Variants in PTPRD observed in about 807,000 individuals in gnomAD.
PTPRD encodes protein tyrosine phosphatase receptor type D, also known as receptor-type tyrosine-protein phosphatase delta.
PTPRD carries 34 observed loss-of-function variants against 214.5 expected under a neutral mutation model. The observed-to-expected ratio is 0.16, with a 90% CI of 0.12 to 0.21. PTPRD has a LOEUF of 0.21. Among genes scored for constraint, PTPRD ranks in the 10% least tolerant of loss-of-function variants. The pLI, the probability that PTPRD is intolerant of heterozygous loss-of-function variation, is 1.00. For missense variants in PTPRD, 2,545 were observed against 2,398.7 expected (o/e 1.06, Z -1.27); for synonymous variants, 1,128 against 845.7 (o/e 1.33, Z -5.79).
chr9:9,419,568 T>A (rs1441294752), intron 8 of PTPRD, among the ~76,000 whole-genome samples: 2 of 151,810 alleles, frequency 1.3e-5, no homozygotes, highest in Non-Finnish European at 3.0e-5. Flanking sequence ...AGCCCCAATA[T>A]GTATATTGTT....
At chr9:10,508,203 C>G (rs991902104) in intron 2 of PTPRD, among the ~76,000 whole-genome samples, 1 of 152,188 alleles carries the variant, frequency 6.6e-6, no homozygotes, top group African/African-American at 2.4e-5. Context: ...AAATGCTCAT[C>G]AGCACTGGCC....
At chr9:8,604,769 G>C (rs2095101164) in intron 14 of PTPRD, among the ~76,000 whole-genome samples, 1 of 152,168 alleles carries the variant, frequency 6.6e-6, no homozygotes, top group Non-Finnish European at 1.5e-5. Flanking sequence ...GAGAAATCAA[G>C]TAAGTCTGTG....
At chr9:8,332,611 C>T (rs979513680) in intron 43 of PTPRD, among the ~76,000 whole-genome samples, 5 of 151,634 alleles carry the variant, frequency 3.3e-5, no homozygotes, top group Non-Finnish European at 7.4e-5. Context: ...CTCTGACTCA[C>T]GAAGTATATC....
At chr9:9,342,289 T>C (rs908415446) in intron 9 of PTPRD, among the ~76,000 whole-genome samples, 4 of 152,182 alleles carry the variant, frequency 2.6e-5, no homozygotes, top group Non-Finnish European at 4.4e-5. Flanking sequence ...AGTATTTCCC[T>C]GGGTCCCTGA....
intron 10 of PTPRD, among the ~76,000 whole-genome samples, chr9:9,108,463 A>G (rs531146830): frequency 6.6e-6 from 1 of 152,216 alleles, no homozygotes; most frequent in African/African-American, 2.4e-5. Flanking sequence ...AATTTATACA[A>G]CAAATTCTTT....
chr9:9,450,794 G>C (rs1252168344), intron 8 of PTPRD, among the ~76,000 whole-genome samples: 2 of 151,256 alleles, frequency 1.3e-5, no homozygotes, highest in Admixed American at 1.3e-4. Context: ...TTAAAAAAGA[G>C]AACAAAGTAA....
At chr9:10,175,923 T>C (rs1329871016) in intron 3 of PTPRD, among the ~76,000 whole-genome samples, 4 of 152,044 alleles carry the variant, frequency 2.6e-5, no homozygotes, top group South Asian at 2.1e-4. Flanking sequence ...TTATTCTTAA[T>C]AGCATTTTCC....
intron 32 of PTPRD, among the ~76,000 whole-genome samples, chr9:8,463,154 G>A (rs145249018): frequency 6.6e-6 from 1 of 151,652 alleles, no homozygotes; most frequent in African/African-American, 2.4e-5. Context: ...CATCAAGCAG[G>A]AGAACAGATG....
At chr9:10,452,327 G>C (rs1053783851) in intron 2 of PTPRD, among the ~76,000 whole-genome samples, 2 of 151,704 alleles carry the variant, frequency 1.3e-5, no homozygotes, top group African/African-American at 2.4e-5. Context: ...CATTTACTTT[G>C]AATATGTGCC....
At chr9:9,984,796 G>C (rs948990148) in intron 4 of PTPRD, among the ~76,000 whole-genome samples, 2 of 152,160 alleles carry the variant, frequency 1.3e-5, no homozygotes, top group Non-Finnish European at 2.9e-5. Context: ...CGGAGGCCTG[G>C]AATACCCAGT....
chr9:8,433,188 G>C (rs1299754428), intron 35 of PTPRD, among the ~76,000 whole-genome samples: 1 of 152,132 alleles, frequency 6.6e-6, no homozygotes, highest in Non-Finnish European at 1.5e-5. Flanking sequence ...CATCACCTAG[G>C]GATGTGGTAG....
intron 3 of PTPRD, among the ~76,000 whole-genome samples, chr9:10,168,824 AATATAC>A (rs1273344734): frequency 6.6e-6 from 1 of 152,188 alleles, no homozygotes; most frequent in Non-Finnish European, 1.5e-5. Context: ...TACATAATGA[AATATAC>A]ATATATATAC....
At chr9:10,175,154 A>T (rs1201211495) in intron 3 of PTPRD, among the ~76,000 whole-genome samples, 1 of 152,090 alleles carries the variant, frequency 6.6e-6, no homozygotes, top group Non-Finnish European at 1.5e-5. Context: ...CAATCCAAAA[A>T]TTATCAGGAT....
chr9:10,485,084 G>C (rs952694852), intron 2 of PTPRD, among the ~76,000 whole-genome samples: 2 of 151,876 alleles, frequency 1.3e-5, no homozygotes, highest in Non-Finnish European at 1.5e-5. Flanking sequence ...TCTGCATATA[G>C]ATATCCAGTT....
At chr9:8,409,710 C>T (rs2093355973) in intron 35 of PTPRD, among the ~76,000 whole-genome samples, 1 of 152,172 alleles carries the variant, frequency 6.6e-6, no homozygotes, top group South Asian at 2.1e-4. Flanking sequence ...CTGTGTTTCA[C>T]TTTCCCTCAT....
chr9:8,993,060 A>T (rs1477550446), intron 11 of PTPRD, among the ~76,000 whole-genome samples: 1 of 152,196 alleles, frequency 6.6e-6, no homozygotes, highest in East Asian at 1.9e-4. Context: ...CAGTTGATCA[A>T]ATAGTGTTAC....
intron 14 of PTPRD, among the ~76,000 whole-genome samples, chr9:8,579,915 T>C (rs1041108388): frequency 2.0e-5 from 3 of 152,174 alleles, no homozygotes; most frequent in Admixed American, 2.0e-4. Context: ...TCCCTCTTTT[T>C]GCCACAGGCA....
chr9:9,098,131 T>C (rs1226169817), intron 10 of PTPRD, among the ~76,000 whole-genome samples: 3 of 152,152 alleles, frequency 2.0e-5, no homozygotes, highest in East Asian at 1.9e-4. Context: ...ATTAACCATG[T>C]ATCACCTCAA....
chr9:8,341,004 A>T, intron 41 of PTPRD, 86 bp downstream of exon 41: 1 of 1,313,874 alleles, frequency 7.6e-7, no homozygotes, highest in Non-Finnish European at 1.0e-6. Context: ...ATGTCTTTGA[A>T]TGGAGATGAA....
Sources: allele counts gnomAD v4.1 joint callset (sites outside exome capture counted in the v4.1 genomes callset), GRCh38; gene constraint gnomAD v4.1.1; transcripts MANE v1.5; gene names NCBI Gene and HGNC (gene_info 2026-07-23, HGNC 2026-07-21).